FBN2: variants seen among roughly 807,000 people sequenced by gnomAD.
FBN2 encodes the protein fibrillin 2.
Under a neutral mutation model 355.6 loss-of-function variants are expected in FBN2, and 105 were observed. That is an observed-to-expected ratio of 0.30 (90% CI 0.25 to 0.35). The LOEUF (loss-of-function observed/expected upper bound fraction) is 0.35, where lower values mean the gene tolerates loss of function less well. FBN2 is among the 10% of genes least tolerant of loss of function. The pLI, the probability that FBN2 is intolerant of heterozygous loss-of-function variation, is 1.00. For synonymous variants in FBN2, 1,350 were observed against 1,301.2 expected, an observed-to-expected ratio of 1.04 and a Z score of -0.81; for missense variants, 3,280 against 3,758.7, an observed-to-expected ratio of 0.87 and a Z score of 3.33.
intron 64 of FBN2, among the ~76,000 whole-genome samples, chr5:128,260,274 G>GA (rs1764932413): frequency 1.3e-5 from 2 of 152,116 alleles, no homozygotes; most frequent in African/African-American, 4.8e-5. Flanking sequence ...TCTTCTGTCT[G>GA]AAAGCTGGGC....
intron 5 of FBN2, among the ~76,000 whole-genome samples, chr5:128,512,149 T>A (rs1756146894): frequency 1.3e-5 from 2 of 152,198 alleles, no homozygotes; most frequent in South Asian, 4.1e-4. Flanking sequence ...AAACTTACGC[T>A]GTTCACAACT....
rs767139547 is a variant in FBN2, at chr5:128,464,867, T to A, written c.683A>T (p.Gln228Leu). The A allele has an allele frequency of 1.9e-6, 3 of 1,614,262 alleles. No homozygotes were observed. Among genetic ancestry groups the A allele is most frequent in the Non-Finnish European group, 2.5e-6 (3 of 1,180,048 alleles). The change falls in exon 6 of 65, where the codon CAG becomes CTG. Residue 228 changes from glutamine (Q) to leucine (L), a missense_variant. By Grantham distance (113) the Gln-to-Leu change is moderately radical. This residue lies in a region of FBN2 where 130 missense variants were observed against 189.9 expected (regional missense o/e 0.68). Coordinates refer to ENST00000262464, the MANE Select transcript of FBN2 (RefSeq NM_001999.4). ...TQVNNQMCQG[Q>L]LTGIVCTKTL... ...CTTCGTGCAGACAATGCCTGTCAGCTGCCCTTGGCACATCTGGTTGTTGAC... is the reference window on the plus strand; with the variant it reads ...CTTCGTGCAGACAATGCCTGTCAGCAGCCCTTGGCACATCTGGTTGTTGAC...
chr5:128,270,458 G>A (rs1765238930), intron 62 of FBN2, among the ~76,000 whole-genome samples: 1 of 152,184 alleles, frequency 6.6e-6, no homozygotes, highest in Non-Finnish European at 1.5e-5. Context: ...GAACCCAGGA[G>A]GCGGAGGTTG....
chr5:128,278,740 C>G lies in FBN2; in HGVS notation c.7240G>C (p.Gly2414Arg). ...CACTGGTGGCCCCAGCCTCGCCCACCATCACAGCAGCATTCTGACTTAGTG... is the reference window on the plus strand; with the variant it reads ...CACTGGTGGCCCCAGCCTCGCCCACGATCACAGCAGCATTCTGACTTAGTG... ...LVTKSECCCD[G>R]GRGWGHQCEL... The change falls in exon 57 of 65, where the codon GGT (glycine) becomes CGT (arginine). Residue 2414 changes from glycine (G) to arginine (R), a missense_variant. Physicochemically the swap from Gly to Arg is moderately radical, Grantham distance 125. Transcript: ENST00000262464. 1 of 1,614,144 alleles carries G rather than the reference C, an allele frequency of 6.2e-7. No homozygotes were observed. The highest frequency in any genetic ancestry group is 8.5e-7 in the Non-Finnish European group (1 of 1,180,018).
chr5:128,427,188 C>G (rs572466922), intron 7 of FBN2, among the ~76,000 whole-genome samples: 77 of 152,228 alleles, frequency 5.1e-4, no homozygotes, highest in African/African-American at 1.8e-3. Context: ...GCCCACCCCC[C>G]TGCCACTGCC....
At chr5:128,531,240 T>A (rs62390670) in intron 2 of FBN2, among the ~76,000 whole-genome samples, 29,174 of 152,002 alleles carry the variant, frequency 0.19, 2,933 homozygotes, top group Non-Finnish European at 0.23. Flanking sequence ...TAAAAATGAA[T>A]GAATTAACAG....
rs56023452 is a variant in FBN2 at position 128,261,821 on chromosome 5, T to G, written c.8279A>C (p.Glu2760Ala). 22 of 1,614,076 alleles carry G rather than the reference T, an allele frequency of 1.4e-5. No homozygotes were observed. The East Asian group carries it at 4.9e-4, about 36-fold the overall frequency. The change falls in exon 64 of 65, where the codon GAA becomes GCA. Residue 2760 changes from glutamate (E) to alanine (A), a missense_variant. Transcript: ENST00000262464. ...EVDEENALSPEACYECKINGY... is the reference protein window; with the variant it reads ...EVDEENALSPAACYECKINGY... Reference sequence around the variant, plus strand: ...GTTGATTTTGCACTCGTAGCATGCTTCTGGGGACAGAGCATTTTCCTCATC... The same window carrying G: ...GTTGATTTTGCACTCGTAGCATGCTGCTGGGGACAGAGCATTTTCCTCATC...
At chr5:128,382,339 C>T (rs1752254028) in intron 11 of FBN2, among the ~76,000 whole-genome samples, 1 of 152,044 alleles carries the variant, frequency 6.6e-6, no homozygotes, top group African/African-American at 2.4e-5. Flanking sequence ...ATCTCTCTAA[C>T]ACTATGAGCT....
Position 128,307,222 on chromosome 5 carries a change from G to A in FBN2, c.5354-19C>T. ...AAGTCAGCTTTAAAATATAAACAAAGCAATGCACTCTTAAATTTCTCAAAT... is the reference window on the plus strand; with the variant it reads ...AAGTCAGCTTTAAAATATAAACAAAACAATGCACTCTTAAATTTCTCAAAT... On this transcript the variant is annotated intron_variant, in intron 41 of 64. Coordinates refer to ENST00000262464, the MANE Select transcript of FBN2 (RefSeq NM_001999.4). The A allele has an allele frequency of 7.1e-7, 1 of 1,413,200 alleles. No homozygotes were observed. Among genetic ancestry groups the A allele is most frequent in the Non-Finnish European group, 1.0e-6 (1 of 997,442 alleles). The allele number at this position is 1,413,200 out of a possible 1,614,324, so 87.5% of individuals were successfully genotyped here.
intron 55 of FBN2, among the ~76,000 whole-genome samples, chr5:128,286,233 T>C (rs1025347326): frequency 2.0e-5 from 3 of 152,200 alleles, no homozygotes; most frequent in Non-Finnish European, 2.9e-5. Context: ...AATCCAATTA[T>C]AATTTGTTGT....
intron 11 of FBN2, among the ~76,000 whole-genome samples, chr5:128,389,600 T>C (rs1043112606): frequency 6.6e-6 from 1 of 152,092 alleles, no homozygotes; most frequent in African/African-American, 2.4e-5. Flanking sequence ...AGCCCTGGGG[T>C]ATGGGCATCG....
rs1252057134 is a variant in FBN2 at position 128,446,619 on chromosome 5, A to C, written c.827-13T>G. 2 of 1,612,980 alleles carry C rather than the reference A, an allele frequency of 1.2e-6. No homozygotes were observed. Among genetic ancestry groups the C allele is most frequent in the Admixed American group, 3.3e-5 (2 of 60,008 alleles). The stretch of plus-strand genomic sequence containing the variant: ...CATTCATCAACATCTGCAAGAAGAA[A>C]ACATTTTGAACACAGATGACACTGG... On this transcript the variant is annotated splice_polypyrimidine_tract_variant and intron_variant, in intron 6 of 64. Coordinates refer to ENST00000262464, the MANE Select transcript of FBN2 (RefSeq NM_001999.4).
chr5:128,307,616 ATGT>A (rs1749919782), intron 41 of FBN2, among the ~76,000 whole-genome samples: 1 of 152,208 alleles, frequency 6.6e-6, no homozygotes, highest in Admixed American at 6.5e-5. Context: ...TGCAAAAATA[ATGT>A]TGTAGAGGGG....
intron 45 of FBN2, among the ~76,000 whole-genome samples, chr5:128,303,670 AC>A (rs1486561892): frequency 6.6e-6 from 1 of 152,164 alleles, no homozygotes; most frequent in East Asian, 1.9e-4. Flanking sequence ...GGCTGCTGAA[AC>A]TCTACCACAC....
intron 7 of FBN2, among the ~76,000 whole-genome samples, chr5:128,421,330 T>C (rs143159625): frequency 3.9e-5 from 6 of 152,148 alleles, no homozygotes; most frequent in Non-Finnish European, 8.8e-5. Flanking sequence ...ACAGCAGAGA[T>C]GATGGCACAG....
intron 5 of FBN2, among the ~76,000 whole-genome samples, chr5:128,465,560 A>G (rs1463930761): frequency 2.0e-5 from 3 of 152,204 alleles, no homozygotes; most frequent in African/African-American, 7.2e-5. Flanking sequence ...TTCAGTTCTA[A>G]GAATCTGATT....
chr5:128,339,672 T>G (rs550997133), intron 25 of FBN2, among the ~76,000 whole-genome samples: 1 of 152,068 alleles, frequency 6.6e-6, no homozygotes, highest in Non-Finnish European at 1.5e-5. Context: ...AGGTGGTAAA[T>G]GAGGCAGCCA....
chr5:128,276,302 G>T, intron 58 of FBN2, 142 bp from the exon 59 acceptor site: 1 of 822,804 alleles, frequency 1.2e-6, no homozygotes, highest in Non-Finnish European at 2.0e-6. Context: ...ATGATGCACA[G>T]AAGGATTTTT....
At chr5:128,414,593 T>A (rs749316568) in intron 7 of FBN2, among the ~76,000 whole-genome samples, 2 of 152,180 alleles carry the variant, frequency 1.3e-5, no homozygotes, top group African/African-American at 4.8e-5. Flanking sequence ...GCCATGAACA[T>A]TCAGGTATTC....
Sources: allele counts gnomAD v4.1 joint callset (sites outside exome capture counted in the v4.1 genomes callset), GRCh38; gene constraint gnomAD v4.1.1; regional missense constraint gnomAD v4.1.1; transcripts MANE v1.5; gene names NCBI Gene and HGNC (gene_info 2026-07-23, HGNC 2026-07-21).